CASTOR2: variants seen among roughly 807,000 people sequenced by gnomAD.
CASTOR2 encodes the protein cytosolic arginine sensor for mTORC1 subunit 2.
In CASTOR2, 8 loss-of-function variants were observed where a neutral mutation model predicts 31.2. The ratio of observed to expected loss-of-function variants is 0.26; its 90% confidence interval spans 0.15 to 0.46. The LOEUF (loss-of-function observed/expected upper bound fraction) is 0.46, where lower values mean the gene tolerates loss of function less well. CASTOR2 is among the 20% of genes least tolerant of loss of function. The probability of loss-of-function intolerance (pLI) is 0.99; values close to 1 mark genes in which losing one functional copy is unlikely to be tolerated. For synonymous variants in CASTOR2, 162 were observed against 158.7 expected, an observed-to-expected ratio of 1.02 and a Z score of -0.16; for missense variants, 216 against 382.1, an observed-to-expected ratio of 0.57 and a Z score of 3.62.
chr7:75,004,282 G>A (rs1367008616), intron 1 of CASTOR2, among the ~76,000 whole-genome samples: 3 of 152,164 alleles, frequency 2.0e-5, no homozygotes, highest in East Asian at 3.9e-4. Flanking sequence ...TAGATTTCAC[G>A]TGTCCAGGCA....
Position 75,028,100 on chromosome 7 carries a change from C to T in CASTOR2, c.*3401C>T, listed in dbSNP as rs1805188462. On this transcript the variant is annotated 3_prime_UTR_variant, in exon 9 of 9. Coordinates refer to ENST00000616305, the MANE Select transcript of CASTOR2 (RefSeq NM_001145064.3). ...GGTGCCTGGCGGGGGAGGAAGAGGGCTCTCTATGATGTGGAATTTTTTTTT... is the reference window on the plus strand; with the variant it reads ...GGTGCCTGGCGGGGGAGGAAGAGGGTTCTCTATGATGTGGAATTTTTTTTT... The T allele has an allele frequency of 1.3e-6, 2 of 1,498,370 alleles. No individual in the cohort carries two copies. Among genetic ancestry groups the T allele is most frequent in the Non-Finnish European group, 1.8e-6 (2 of 1,132,526 alleles). 92.8% of individuals were successfully genotyped at this position (1,498,370 alleles called of 1,614,324 possible).
chr7:74,972,364 C>G (rs1232789468), intron 1 of CASTOR2, among the ~76,000 whole-genome samples: 5 of 150,058 alleles, frequency 3.3e-5, no homozygotes, highest in Admixed American at 1.3e-4. Flanking sequence ...AGACGCTCCA[C>G]CTGCCTTGGC....
chr7:75,030,820 C>T lies in CASTOR2; in HGVS notation c.*6121C>T, dbSNP rs1395568447. ...CTGATTGGAAGGGGCTGGGGCTGCC[C>T]GTGCTGACTCTTCAAAGGCATCCCA... On this transcript the variant is annotated 3_prime_UTR_variant, in exon 9 of 9. Transcript: ENST00000616305. Among the ~76,000 whole-genome samples the T allele has an allele frequency of 6.6e-6, 1 of 152,162 alleles. No individual in the cohort carries two copies. Among genetic ancestry groups the T allele is most frequent in the East Asian group, 1.9e-4 (1 of 5,190 alleles).
intron 1 of CASTOR2, among the ~76,000 whole-genome samples, chr7:74,982,250 TG>T (rs1359982923): frequency 7.4e-6 from 1 of 134,498 alleles, no homozygotes; most frequent in Non-Finnish European, 1.6e-5. Flanking sequence ...GGAACGACCC[TG>T]GGGTAAGGGG....
intron 2 of CASTOR2, among the ~76,000 whole-genome samples, chr7:75,015,731 AGG>A (rs1804848575): frequency 7.0e-6 from 1 of 142,884 alleles, no homozygotes; most frequent in Non-Finnish European, 1.6e-5. Flanking sequence ...TGAGCCTTCC[AGG>A]TCCAGGGTTT....
chr7:75,020,270 T>TCTCG, intron 6 of CASTOR2, 121 bp downstream of exon 6: 1 of 979,266 alleles, frequency 1.0e-6, no homozygotes. Context: ...TGATACGGGG[T>TCTCG]CTCGCTCTGT....
intron 2 of CASTOR2, among the ~76,000 whole-genome samples, chr7:75,009,038 C>G (rs1468685429): frequency 4.0e-5 from 6 of 151,812 alleles, no homozygotes; most frequent in Admixed American, 1.3e-4. Flanking sequence ...CTCACTGCAA[C>G]CTCCACCTCC....
At chr7:74,975,003 CTGT>C (rs1360236033) in intron 1 of CASTOR2, among the ~76,000 whole-genome samples, 1 of 150,676 alleles carries the variant, frequency 6.6e-6, no homozygotes, top group Non-Finnish European at 1.5e-5. Context: ...GAGTTACACT[CTGT>C]TGCCCAGGCT....
chr7:75,024,706 C>T lies in CASTOR2; in HGVS notation c.*7C>T. ...CCAAGCAGAGAAGCACTAGAAGGGTCTCTTCTGCTCCTCCCTGCCGCCGCC... is the reference window on the plus strand; with the variant it reads ...CCAAGCAGAGAAGCACTAGAAGGGTTTCTTCTGCTCCTCCCTGCCGCCGCC... On this transcript the variant is annotated 3_prime_UTR_variant, in exon 9 of 9. Transcript: ENST00000616305. 1 of 1,551,608 alleles carries T rather than the reference C, an allele frequency of 6.4e-7. No homozygotes were observed. The highest frequency in any genetic ancestry group is 1.2e-5 in the South Asian group (1 of 84,054).
intron 1 of CASTOR2, among the ~76,000 whole-genome samples, chr7:74,986,608 G>C (rs1257344612): frequency 1.3e-5 from 2 of 152,126 alleles, no homozygotes; most frequent in Admixed American, 6.6e-5. Flanking sequence ...GATACTGCCT[G>C]TGGTGCTTCT....
chr7:74,998,960 TGGTC>T (rs1804424238), intron 1 of CASTOR2, among the ~76,000 whole-genome samples: 1 of 152,028 alleles, frequency 6.6e-6, no homozygotes, highest in African/African-American at 2.4e-5. Context: ...TGGATTCTCC[TGGTC>T]GCCCGTGACA....
At chr7:75,010,566 C>T (rs1378945980) in intron 2 of CASTOR2, among the ~76,000 whole-genome samples, 2 of 152,102 alleles carry the variant, frequency 1.3e-5, no homozygotes, top group Non-Finnish European at 2.9e-5. Flanking sequence ...CACAATCCCT[C>T]GACCCTGCCA....
Position 75,030,795 on chromosome 7 carries a change from C to T in CASTOR2, c.*6096C>T, listed in dbSNP as rs980655478. The stretch of plus-strand genomic sequence containing the variant: ...TGCTCTGGTTTGATACAGCCCAGCT[C>T]TGATTGGAAGGGGCTGGGGCTGCCC... On this transcript the variant is annotated 3_prime_UTR_variant, in exon 9 of 9. Transcript: ENST00000616305. Among the ~76,000 whole-genome samples, 1 of 152,196 alleles carries T rather than the reference C, an allele frequency of 6.6e-6. No individual in the cohort carries two copies. The highest frequency in any genetic ancestry group is 2.4e-5 in the African/African-American group (1 of 41,460).
rs1310621438 is a variant in CASTOR2 at position 75,027,033 on chromosome 7, C to T, written c.*2334C>T. The stretch of plus-strand genomic sequence containing the variant: ...GTTAATATATACTGTGTGCGCAGTC[C>T]GTGGACACAGCCCCCCGCTGTGTGT... On this transcript the variant is annotated 3_prime_UTR_variant, in exon 9 of 9. Coordinates refer to ENST00000616305, the MANE Select transcript of CASTOR2 (RefSeq NM_001145064.3). 5 of 152,218 alleles carry T rather than the reference C, an allele frequency of 3.3e-5. No homozygotes were observed. The East Asian group carries it at 5.8e-4, about 18-fold the overall frequency. The allele number at this position is 152,218 out of a possible 1,614,324, so 9.4% of individuals were successfully genotyped here.
chr7:75,007,895 T>C (rs1804640868), intron 1 of CASTOR2, 99 bp from the exon 2 acceptor site: 1 of 1,577,842 alleles, frequency 6.3e-7, no homozygotes, highest in Non-Finnish European at 8.7e-7. Context: ...GCCGGAACTC[T>C]GGGTGAACTG....
intron 1 of CASTOR2, among the ~76,000 whole-genome samples, chr7:74,984,216 G>A (rs1182898197): frequency 2.0e-5 from 3 of 149,764 alleles, no homozygotes; most frequent in Non-Finnish European, 1.5e-5. Flanking sequence ...CAGTTTCTGG[G>A]GCATTGAGAC....
chr7:75,004,268 A>G lies in CASTOR2; in HGVS notation c.114-3726A>G, dbSNP rs1208465222. Reference sequence around the variant, plus strand: ...ATAATTTGCTGTTGTCCTCAAAGCAATTATAGATTTCACGTGTCCAGGCAA... The same window carrying G: ...ATAATTTGCTGTTGTCCTCAAAGCAGTTATAGATTTCACGTGTCCAGGCAA... On this transcript the variant is annotated intron_variant, in intron 1 of 8. Coordinates refer to ENST00000616305, the MANE Select transcript of CASTOR2 (RefSeq NM_001145064.3). Among the ~76,000 whole-genome samples, 8 of 152,250 alleles carry G rather than the reference A, an allele frequency of 5.3e-5. No individual in the cohort carries two copies. The East Asian group carries it at 9.7e-4, about 18-fold the overall frequency.
At chr7:75,021,830 A>C (rs1805012357) in intron 6 of CASTOR2, 44 bp from the exon 7 acceptor site, 10 of 1,550,432 alleles carry the variant, frequency 6.4e-6, no homozygotes, top group Non-Finnish European at 8.7e-6. Flanking sequence ...GAGGGAGTGC[A>C]ATTCACATCA....
intron 7 of CASTOR2, among the ~76,000 whole-genome samples, chr7:75,024,086 G>A (rs960820755): frequency 2.6e-5 from 4 of 151,980 alleles, no homozygotes; most frequent in African/African-American, 2.4e-5. Flanking sequence ...ACAGCAGTTC[G>A]ATACCAGCCT....
Sources: allele counts gnomAD v4.1 joint callset (sites outside exome capture counted in the v4.1 genomes callset), GRCh38; gene constraint gnomAD v4.1.1; transcripts MANE v1.5; gene names NCBI Gene and HGNC (gene_info 2026-07-23, HGNC 2026-07-21).